Variants in SF1 observed in about 807,000 individuals in gnomAD.
SF1 encodes splicing factor 1.
SF1 carries 7 observed loss-of-function variants against 62.5 expected under a neutral mutation model. That is an observed-to-expected ratio of 0.11 (90% confidence interval 0.06 to 0.21). SF1 has a LOEUF of 0.21. Ranked by LOEUF, SF1 falls within the 10% of genes least tolerant of loss-of-function variation. SF1 has a pLI of 1.00. For synonymous variants in SF1, 394 were observed against 323.6 expected, an observed-to-expected ratio of 1.22 and a Z score of -2.33; for missense variants, 578 against 884.0, an observed-to-expected ratio of 0.65 and a Z score of 4.39.
chr11:64,768,067 TG>T, intron 9 of SF1, 38 bp downstream of exon 9: 1 of 1,580,690 alleles, frequency 6.3e-7, no homozygotes. Context: ...CAGTAGAGAA[TG>T]GGGAAGCCAG....
chr11:64,767,432 C>G, intron 10 of SF1, 139 bp downstream of exon 10: 1 of 1,088,450 alleles, frequency 9.2e-7, no homozygotes, highest in Non-Finnish European at 1.3e-6. Context: ...TTGCTCCTTC[C>G]AGAGCCACAA....
rs1484009872 is a variant in SF1 at position 64,766,348 on chromosome 11, G to A, written c.1583-193C>T. The A allele has an allele frequency of 5.1e-6, 3 of 592,678 alleles. No homozygotes were observed. In the Admixed American group the frequency reaches 9.0e-5, roughly 18 times the overall value. 36.7% of individuals were successfully genotyped at this position (592,678 alleles called of 1,614,324 possible). A position where few individuals can be genotyped will look rare whatever the true frequency, so the allele number is the denominator to read the frequency against. ...GGACTACCCTGGGGTCAGCCTCGAG[G>A]TCTCTGGGCTTAACAGAGTAAGCCC... On this transcript the variant is annotated intron_variant, in intron 12 of 12. Transcript: ENST00000377390.
intron 11 of SF1, 52 bp from the exon 12 acceptor site, chr11:64,767,131 G>A (rs1418008872): frequency 4.3e-6 from 7 of 1,612,792 alleles, no homozygotes; most frequent in East Asian, 2.2e-5. Context: ...CGGGGACTTG[G>A]GCCAGAACCC....
rs200652540 is a variant in SF1, at chr11:64,765,360, C to T, written c.*458G>A. On this transcript the variant is annotated 3_prime_UTR_variant, in exon 13 of 13. Coordinates refer to ENST00000377390, the MANE Select transcript of SF1 (RefSeq NM_004630.4). Reference sequence around the variant, plus strand: ...TAAAAATTTCACGATATGGAGCCAGCGTGTTCCGATTCCGTCCACAAAAAT... The same window carrying T: ...TAAAAATTTCACGATATGGAGCCAGTGTGTTCCGATTCCGTCCACAAAAAT... 1.9e-5 allele frequency: 16 copies of T among 855,904 alleles called. No individual in the cohort carries two copies. Among genetic ancestry groups the T allele is most frequent in the Admixed American group, 6.1e-5 (3 of 48,926 alleles). The allele number at this position is 855,904 out of a possible 1,614,324, so 53.0% of individuals were successfully genotyped here.
chr11:64,777,882 A>G (rs1939609081), intron 1 of SF1: 1 of 933,674 alleles, frequency 1.1e-6, no homozygotes, highest in Non-Finnish European at 1.3e-6. Flanking sequence ...CCGTGCGCGC[A>G]CGCGCGCCCC....
chr11:64,766,686 C>A (rs1287391362), intron 12 of SF1: 2 of 460,230 alleles, frequency 4.3e-6, no homozygotes, highest in African/African-American at 2.0e-5. Context: ...CAGGCCCCCA[C>A]GAACCTCTCC....
At chr11:64,777,147 T>C (rs948157872) in intron 1 of SF1, among the ~76,000 whole-genome samples, 1 of 152,212 alleles carries the variant, frequency 6.6e-6, no homozygotes, top group African/African-American at 2.4e-5. Context: ...ATCACCTTTG[T>C]CTTCATAAGT....
Position 64,769,224 on chromosome 11 carries a change from T to C in SF1, c.778A>G (p.Arg260Gly). Residue 260 changes from arginine (R) to glycine (G), a missense_variant and splice_region_variant, in exon 7 of 13, where the codon AGG (arginine) becomes GGG (glycine). This residue lies in a region of SF1 where 45 missense variants were observed against 97.8 expected (regional missense o/e 0.46). Coordinates refer to ENST00000377390, the MANE Select transcript of SF1 (RefSeq NM_004630.4). Reference protein sequence around the residue: ...LNGTLREDDNRILRPWQSSET... With the variant: ...LNGTLREDDNGILRPWQSSET... ...CTCTCCTTTAAACTGATCACATACCTGTTATCGTCTTCCCGAAGGGTCCCA... is the reference window on the plus strand; with the variant it reads ...CTCTCCTTTAAACTGATCACATACCCGTTATCGTCTTCCCGAAGGGTCCCA... 6.2e-7 allele frequency: 1 copy of C among 1,613,810 alleles called. No individual in the cohort carries two copies. The highest frequency in any genetic ancestry group is 8.5e-7 in the Non-Finnish European group (1 of 1,179,666).
Position 64,769,097 on chromosome 11 carries a change from C to A in SF1, c.812G>T (p.Arg271Leu), listed in dbSNP as rs1171896564. 5 of 1,613,966 alleles carry A rather than the reference C, an allele frequency of 3.1e-6. No individual in the cohort carries two copies. ...ILRPWQSSET[R>L]SITNTTVCTK... ...ACACACTGTGGTGTTGGTAATGCTG[C>A]GGGTCTCTGAGCTCTGCCAGGGTCT... The change falls in exon 8 of 13, where the codon CGC (arginine) becomes CTC (leucine). Residue 271 changes from arginine (R) to leucine (L), a missense_variant. Arg to Leu is a moderately radical substitution (Grantham distance 102). This residue lies in a region of SF1 where 45 missense variants were observed against 97.8 expected (regional missense o/e 0.46). Coordinates refer to ENST00000377390, the MANE Select transcript of SF1 (RefSeq NM_004630.4).
At chr11:64,777,965 G>A (rs1235549497) in intron 1 of SF1, 2 of 990,448 alleles carry the variant, frequency 2.0e-6, no homozygotes, top group Non-Finnish European at 2.4e-6. Flanking sequence ...GACGCCTCTC[G>A]CGCTCTCTCG....
chr11:64,768,014 G>A (rs941311324), intron 9 of SF1, 92 bp downstream of exon 9: 7 of 1,480,286 alleles, frequency 4.7e-6, no homozygotes, highest in African/African-American at 1.4e-5. Context: ...CACATCCATT[G>A]TCTGCTCTAC....
At position 64,765,866 on chromosome 11, in the gene SF1, C is replaced by G. The variant is rs749152451; in HGVS notation, c.1872G>C (p.Pro624=). 2 of 1,561,764 alleles carry G rather than the reference C, an allele frequency of 1.3e-6. No homozygotes were observed. Among genetic ancestry groups the G allele is most frequent in the Admixed American group, 3.8e-5 (2 of 52,382 alleles). The change falls in exon 13 of 13, where the codon CCG becomes CCC. Residue 624 remains proline, a synonymous_variant. Coordinates refer to ENST00000377390, the MANE Select transcript of SF1 (RefSeq NM_004630.4). ...TMMGMGVAGM[P]PFGMPPAPPP... is the part of the protein sequence containing the mutation. ...GGGGAGCTGGAGGCATCCCGAAGGG[C>G]GGCATGCCCGCCACCCCCATGCCCA...
chr11:64,766,023 C>T lies in SF1; in HGVS notation c.1715G>A (p.Gly572Glu). 1 of 1,609,048 alleles carries T rather than the reference C, an allele frequency of 6.2e-7. No individual in the cohort carries two copies. Among genetic ancestry groups the T allele is most frequent in the Non-Finnish European group, 8.5e-7 (1 of 1,178,522 alleles). Residue 572 changes from glycine (G) to glutamate (E), a missense_variant, in exon 13 of 13, where the codon GGG becomes GAG. Physicochemically the swap from Gly to Glu is moderately conservative, Grantham distance 98. Transcript: ENST00000377390. ...GNPTMVPLPP[G>E]VQPPLPPGAP... ...CCCAGGCGGCAGAGGCGGCTGGACC[C>T]CGGGGGGCAGGGGCACCATAGTGGG... is the stretch of plus-strand genomic sequence containing the variant.
intron 1 of SF1, chr11:64,777,899 G>A (rs1939616673): frequency 4.2e-6 from 4 of 945,668 alleles, no homozygotes; most frequent in South Asian, 9.5e-5. Context: ...CCCCTGCCGC[G>A]TGCAGCCGCC....
chr11:64,776,377 C>A (rs780538035), intron 2 of SF1, 121 bp downstream of exon 2: 2 of 1,076,394 alleles, frequency 1.9e-6, no homozygotes, highest in South Asian at 2.7e-5. Flanking sequence ...ATACCAAAGT[C>A]GTGAAAGTAT....
At chr11:64,771,835 A>T in intron 3 of SF1, 1 of 985,428 alleles carries the variant, frequency 1.0e-6, no homozygotes, top group Non-Finnish European at 1.2e-6. Flanking sequence ...ATCTTAATTA[A>T]GAAAACCCAT....
rs1281802135 is a variant in SF1 at position 64,778,481 on chromosome 11, C to A, written c.-89G>T. On this transcript the variant is annotated 5_prime_UTR_variant, in exon 1 of 13. Transcript: ENST00000377390. ...CTCCCGGGGGGAGGGGACCCGAATG[C>A]GCTGCCGGAGCGCGCGGAGCCCGTC... 1.7e-6 allele frequency: 2 copies of A among 1,196,398 alleles called. No individual in the cohort carries two copies. The highest frequency in any genetic ancestry group is 3.2e-5 in the African/African-American group (2 of 62,232). The allele number at this position is 1,196,398 out of a possible 1,614,324, so 74.1% of individuals were successfully genotyped here. A position where few individuals can be genotyped will look rare whatever the true frequency, so the allele number is the denominator to read the frequency against.
Position 64,767,581 on chromosome 11 carries a change from A to G in SF1, c.1332T>C (p.Pro444=), listed in dbSNP as rs769552657. Residue 444 remains proline, a synonymous_variant, in exon 10 of 13, where the codon CCT becomes CCC. Transcript: ENST00000377390. ...QGPHPPGHHG[P]PPMDQYLGST... is the part of the protein sequence containing the mutation. ...CTGACACTTACTTACCCATTGGAGG[A>G]GGGCCATGGTGCCCAGGAGGGTGGG... 3 of 1,556,030 alleles carry G rather than the reference A, an allele frequency of 1.9e-6. No homozygotes were observed. Among genetic ancestry groups the G allele is most frequent in the Non-Finnish European group, 2.6e-6 (3 of 1,154,500 alleles).
chr11:64,772,777 T>C, intron 3 of SF1: 2 of 985,290 alleles, frequency 2.0e-6, no homozygotes, highest in Non-Finnish European at 2.4e-6. Flanking sequence ...TGACCACAGC[T>C]GTTTGAGGCC....
Sources: gnomAD v4.1 joint callset for allele counts (sites outside exome capture counted in the v4.1 genomes callset) on GRCh38, gnomAD v4.1.1 for gene constraint, gnomAD v4.1.1 regional missense constraint, MANE v1.5 for transcripts, NCBI Gene and HGNC (gene_info 2026-07-23, HGNC 2026-07-21) for gene names.